Variants in NEGR1 observed in about 807,000 individuals in gnomAD.
NEGR1 encodes the protein IgLON family member 4.
NEGR1 carries 10 observed loss-of-function variants against 40.9 expected under a neutral mutation model. The ratio of observed to expected loss-of-function variants is 0.24; its 90% CI spans 0.15 to 0.42. NEGR1 has a LOEUF of 0.42. NEGR1 is among the 10% of genes least tolerant of loss of function. The pLI is 1.00. For synonymous variants in NEGR1, 185 were observed against 166.8 expected, an observed-to-expected ratio of 1.11 and a Z score of -0.84; for missense variants, 352 against 438.9, an observed-to-expected ratio of 0.80 and a Z score of 1.77.
intron 1 of NEGR1, among the ~76,000 whole-genome samples, chr1:72,005,863 T>A (rs1199209610): frequency 6.6e-6 from 1 of 152,194 alleles, no homozygotes; most frequent in Non-Finnish European, 1.5e-5. Context: ...ATTCTATTAA[T>A]CTTTTAATTA....
At chr1:71,987,155 C>G (rs1238178477) in intron 1 of NEGR1, among the ~76,000 whole-genome samples, 1 of 152,082 alleles carries the variant, frequency 6.6e-6, no homozygotes, top group South Asian at 2.1e-4. Context: ...ATTAGCCACA[C>G]TAGAATTCCT....
intron 2 of NEGR1, among the ~76,000 whole-genome samples, chr1:71,884,302 C>T (rs574142679): frequency 9.2e-5 from 14 of 152,222 alleles, no homozygotes; most frequent in African/African-American, 3.4e-4. Context: ...CAAGGCACTT[C>T]CATTGTTCTG....
chr1:72,196,831 C>A (rs945271418), intron 1 of NEGR1, among the ~76,000 whole-genome samples: 5 of 150,540 alleles, frequency 3.3e-5, no homozygotes, highest in Non-Finnish European at 5.9e-5. Context: ...GGATTTCTGG[C>A]AAATTGAGAT....
chr1:72,207,334 G>A (rs1383094223), intron 1 of NEGR1, among the ~76,000 whole-genome samples: 4 of 151,750 alleles, frequency 2.6e-5, no homozygotes, highest in Non-Finnish European at 4.4e-5. Context: ...AAAGGGGCTA[G>A]GGCAAAGATC....
At chr1:71,650,688 T>C (rs866364381) in intron 4 of NEGR1, among the ~76,000 whole-genome samples, 3 of 152,188 alleles carry the variant, frequency 2.0e-5, no homozygotes, top group Non-Finnish European at 2.9e-5. Flanking sequence ...ATTCTTTAAG[T>C]TGTATTTTTG....
chr1:71,822,377 A>C (rs1658461997), intron 2 of NEGR1, among the ~76,000 whole-genome samples: 1 of 152,036 alleles, frequency 6.6e-6, no homozygotes, highest in Non-Finnish European at 1.5e-5. Flanking sequence ...CAAGTGGACA[A>C]AATGATCTAG....
At chr1:71,977,194 C>T (rs1328905870) in intron 1 of NEGR1, among the ~76,000 whole-genome samples, 4 of 151,964 alleles carry the variant, frequency 2.6e-5, no homozygotes, top group Non-Finnish European at 4.4e-5. Flanking sequence ...GGCATGGTGG[C>T]GTGAACCTGT....
intron 2 of NEGR1, among the ~76,000 whole-genome samples, chr1:71,894,327 T>A (rs111430959): frequency 0.031 from 4,708 of 151,886 alleles, 87 homozygotes; most frequent in Non-Finnish European, 0.051. Flanking sequence ...AGAAAACATC[T>A]GTAGTAGTTC....
chr1:72,099,782 A>T (rs1648858964), intron 1 of NEGR1, among the ~76,000 whole-genome samples: 3 of 151,854 alleles, frequency 2.0e-5, no homozygotes, highest in Admixed American at 2.0e-4. Flanking sequence ...TTCTACATAA[A>T]TTTATTATTT....
chr1:72,174,143 T>C (rs960577665), intron 1 of NEGR1, among the ~76,000 whole-genome samples: 2 of 152,192 alleles, frequency 1.3e-5, no homozygotes, highest in Admixed American at 6.5e-5. Context: ...TATGAAGATG[T>C]AAATTTCATT....
At chr1:71,802,555 T>C (rs1657600174) in intron 2 of NEGR1, among the ~76,000 whole-genome samples, 1 of 152,154 alleles carries the variant, frequency 6.6e-6, no homozygotes, top group African/African-American at 2.4e-5. Context: ...CTCCTAGATT[T>C]CAGTAGCCAA....
chr1:71,792,496 A>G (rs1402606082), intron 2 of NEGR1, among the ~76,000 whole-genome samples: 3 of 152,122 alleles, frequency 2.0e-5, no homozygotes, highest in African/African-American at 4.8e-5. Flanking sequence ...TCCCACATTT[A>G]TCTCTGTATT....
chr1:72,132,537 G>C (rs1426583974), intron 1 of NEGR1, among the ~76,000 whole-genome samples: 2 of 152,160 alleles, frequency 1.3e-5, no homozygotes, highest in African/African-American at 4.8e-5. Context: ...GAATGTGATG[G>C]TGAAGATGTG....
At chr1:71,989,430 G>T (rs1159847632) in intron 1 of NEGR1, among the ~76,000 whole-genome samples, 1 of 152,120 alleles carries the variant, frequency 6.6e-6, no homozygotes, top group Non-Finnish European at 1.5e-5. Flanking sequence ...AAATTAATGA[G>T]CCAGTAAGTG....
intron 1 of NEGR1, among the ~76,000 whole-genome samples, chr1:71,988,886 A>T (rs17578189): frequency 0.1 from 14,483 of 144,090 alleles, 858 homozygotes; most frequent in Middle Eastern, 0.17. Flanking sequence ...TATCCATGCC[A>T]TGATGTCAAG....
intron 2 of NEGR1, among the ~76,000 whole-genome samples, chr1:71,780,477 G>T (rs1449232133): frequency 6.6e-6 from 1 of 152,138 alleles, no homozygotes; most frequent in Non-Finnish European, 1.5e-5. Context: ...GGATATACAA[G>T]ACTTTACAAC....
intron 1 of NEGR1, among the ~76,000 whole-genome samples, chr1:72,252,127 C>G (rs563465262): frequency 6.1e-4 from 92 of 151,716 alleles, no homozygotes; most frequent in East Asian, 1.9e-3. Flanking sequence ...TTTTTTTAGA[C>G]AGAGTTTTGC....
intron 1 of NEGR1, among the ~76,000 whole-genome samples, chr1:72,196,822 G>A (rs181647114): frequency 3.3e-4 from 49 of 150,294 alleles, no homozygotes; most frequent in African/African-American, 1.1e-3. Flanking sequence ...ACAATAAAAG[G>A]ATTTCTGGCA....
chr1:71,730,583 A>G (rs938174320), intron 3 of NEGR1, among the ~76,000 whole-genome samples: 5 of 146,312 alleles, frequency 3.4e-5, no homozygotes, highest in African/African-American at 7.4e-5. Context: ...ATATATATAT[A>G]TATATATATA....
Sources: gnomAD v4.1 joint callset for allele counts (sites outside exome capture counted in the v4.1 genomes callset) on GRCh38, gnomAD v4.1.1 for gene constraint, MANE v1.5 for transcripts, NCBI Gene and HGNC (gene_info 2026-07-23, HGNC 2026-07-21) for gene names.